Variants in MIX23 observed in about 807,000 individuals in gnomAD.
MIX23 encodes the protein protein MIX23.
A neutral mutation model predicts 21.6 loss-of-function variants in MIX23; 13 were observed. That is an observed-to-expected ratio of 0.60 (90% CI 0.39 to 0.96). The LOEUF (loss-of-function observed/expected upper bound fraction) is 0.96, where lower values mean the gene tolerates loss of function less well. MIX23 is among the 40% of genes least tolerant of loss of function. The pLI is 0.00. For missense variants in MIX23, 144 were observed against 171.2 expected, an observed-to-expected ratio of 0.84 and a Z score of 0.89; for synonymous variants, 59 against 58.0, an observed-to-expected ratio of 1.02 and a Z score of -0.08.
At chr3:122,383,061 G>A in intron 1 of MIX23, 113 bp downstream of exon 1, 1 of 1,398,840 alleles carries the variant, frequency 7.1e-7, no homozygotes, top group Non-Finnish European at 1.0e-6. Flanking sequence ...CGAGAAAAGA[G>A]CTTTGAATTG....
At chr3:122,365,435 GCTCT>G (rs780010382) in intron 3 of MIX23, 2 of 151,944 alleles carry the variant, frequency 1.3e-5, no homozygotes. Flanking sequence ...ATCTCCAAGA[GCTCT>G]CTCTGATTCC....
At chr3:122,371,527 C>T in intron 2 of MIX23, 148 bp downstream of exon 2, 5 of 854,800 alleles carry the variant, frequency 5.8e-6, no homozygotes, top group Admixed American at 2.5e-5. Flanking sequence ...TGTGTAGTAA[C>T]CAGATCAAAA....
chr3:122,361,861 A>G (rs1481263348), intron 4 of MIX23, among the ~76,000 whole-genome samples: 1 of 152,220 alleles, frequency 6.6e-6, no homozygotes, highest in Non-Finnish European at 1.5e-5. Flanking sequence ...GTATTTTGCA[A>G]TGTGTTCATG....
At chr3:122,366,931 C>T (rs770795994) in intron 3 of MIX23, among the ~76,000 whole-genome samples, 1 of 142,488 alleles carries the variant, frequency 7.0e-6, no homozygotes, top group Non-Finnish European at 1.6e-5. Flanking sequence ...GAGTGAGACC[C>T]CATCTCAAAA....
chr3:122,378,387 T>C (rs1274968347), intron 1 of MIX23, among the ~76,000 whole-genome samples: 1 of 152,244 alleles, frequency 6.6e-6, no homozygotes. Flanking sequence ...ATCAATTTTA[T>C]TGTATTACCA....
At chr3:122,374,112 TTTTTTTTA>T (rs1236973590) in intron 1 of MIX23, among the ~76,000 whole-genome samples, 1 of 145,422 alleles carries the variant, frequency 6.9e-6, no homozygotes, top group African/African-American at 2.5e-5. Flanking sequence ...ATTTTTTTTT[TTTTTTTTA>T]AAAAAAAAGC....
At chr3:122,361,762 C>T (rs2075360432) in intron 4 of MIX23, among the ~76,000 whole-genome samples, 3 of 152,028 alleles carry the variant, frequency 2.0e-5, no homozygotes. Flanking sequence ...TGACAGACAC[C>T]TTATCATGTT....
intron 2 of MIX23, among the ~76,000 whole-genome samples, chr3:122,368,970 G>A (rs1337303368): frequency 1.3e-5 from 2 of 152,192 alleles, no homozygotes; most frequent in East Asian, 3.8e-4. Flanking sequence ...ATGTCTGACA[G>A]AACAACTCTT....
chr3:122,369,828 C>A (rs973628018), intron 2 of MIX23, among the ~76,000 whole-genome samples: 5 of 152,216 alleles, frequency 3.3e-5, no homozygotes, highest in Non-Finnish European at 7.3e-5. Flanking sequence ...TGGCTCACTG[C>A]AACCTCTGCC....
chr3:122,365,110 G>A (rs2075387097), intron 3 of MIX23, among the ~76,000 whole-genome samples: 1 of 152,190 alleles, frequency 6.6e-6, no homozygotes, highest in African/African-American at 2.4e-5. Flanking sequence ...GTCTTCAACA[G>A]GTAAACTTAA....
At chr3:122,367,472 C>T (rs2075405439) in intron 3 of MIX23, among the ~76,000 whole-genome samples, 1 of 152,200 alleles carries the variant, frequency 6.6e-6, no homozygotes, top group Non-Finnish European at 1.5e-5. Context: ...TACACCCTAT[C>T]TACATTATAG....
intron 3 of MIX23, among the ~76,000 whole-genome samples, chr3:122,364,989 T>C (rs970244140): frequency 6.6e-5 from 10 of 152,196 alleles, no homozygotes; most frequent in Non-Finnish European, 1.5e-4. Context: ...GCCTTTGGAT[T>C]ATTTTTTAAA....
At chr3:122,373,169 A>C (rs1289589726) in intron 1 of MIX23, 10 of 283,572 alleles carry the variant, frequency 3.5e-5, no homozygotes. Flanking sequence ...TTCTACACAT[A>C]CCTATTAATG....
intron 1 of MIX23, among the ~76,000 whole-genome samples, chr3:122,378,121 A>T (rs2075502432): frequency 6.6e-6 from 1 of 152,234 alleles, no homozygotes; most frequent in African/African-American, 2.4e-5. Flanking sequence ...TCTGTGTTCT[A>T]AAATGACTGC....
At chr3:122,367,213 G>A (rs2075403673) in intron 3 of MIX23, among the ~76,000 whole-genome samples, 1 of 151,820 alleles carries the variant, frequency 6.6e-6, no homozygotes, top group Non-Finnish European at 1.5e-5. Flanking sequence ...AAGCAGGTGG[G>A]GCAACATATA....
intron 1 of MIX23, among the ~76,000 whole-genome samples, chr3:122,378,550 A>G (rs866851345): frequency 6.6e-6 from 1 of 152,252 alleles, no homozygotes; most frequent in Non-Finnish European, 1.5e-5. Flanking sequence ...CTTAGGCTAT[A>G]TAGTATAGAT....
chr3:122,380,351 C>T (rs2075521315), intron 1 of MIX23, among the ~76,000 whole-genome samples: 1 of 152,118 alleles, frequency 6.6e-6, no homozygotes, highest in Non-Finnish European at 1.5e-5. Context: ...ACGGTGCTTC[C>T]CCCAAACCAG....
intron 1 of MIX23, among the ~76,000 whole-genome samples, chr3:122,382,544 T>C (rs1200797036): frequency 1.3e-5 from 2 of 152,214 alleles, no homozygotes; most frequent in Non-Finnish European, 2.9e-5. Flanking sequence ...TTGGAACAGA[T>C]AACTTTAATG....
intron 3 of MIX23, among the ~76,000 whole-genome samples, chr3:122,364,635 C>G (rs2075382927): frequency 6.6e-6 from 1 of 152,000 alleles, no homozygotes; most frequent in African/African-American, 2.4e-5. Flanking sequence ...AAGAGAATAC[C>G]CTGACACTGA....
Sources: allele counts gnomAD v4.1 joint callset (sites outside exome capture counted in the v4.1 genomes callset), GRCh38; gene constraint gnomAD v4.1.1; transcripts MANE v1.5; gene names NCBI Gene and HGNC (gene_info 2026-07-23, HGNC 2026-07-21).